Variants in WDR70 observed in about 807,000 individuals in gnomAD.
The protein encoded by WDR70 is WD repeat-containing protein 70.
WDR70 carries 53 observed loss-of-function variants against 88.6 expected under a neutral mutation model. That is an observed-to-expected ratio of 0.60 (90% CI 0.48 to 0.75). The LOEUF (loss-of-function observed/expected upper bound fraction) is 0.75. Ranked by LOEUF, WDR70 falls within the 30% of genes least tolerant of loss-of-function variation. The pLI is 0.00. For missense variants in WDR70, 610 were observed against 823.2 expected (o/e 0.74, Z 3.17); for synonymous variants, 280 against 270.0 (o/e 1.04, Z -0.36).
At chr5:37,679,332 T>C (rs1414468292) in intron 10 of WDR70, among the ~76,000 whole-genome samples, 2 of 151,720 alleles carry the variant, frequency 1.3e-5, no homozygotes, top group African/African-American at 4.8e-5. Flanking sequence ...TTCCAGTTTT[T>C]CTGCTCTGTT....
chr5:37,447,749 G>A (rs1002130694), intron 7 of WDR70, among the ~76,000 whole-genome samples: 11 of 152,120 alleles, frequency 7.2e-5, no homozygotes, highest in African/African-American at 2.2e-4. Context: ...AGAACACATG[G>A]TCACAGGAAG....
intron 7 of WDR70, among the ~76,000 whole-genome samples, chr5:37,445,638 C>T (rs780759349): frequency 3.9e-5 from 6 of 152,090 alleles, no homozygotes; most frequent in Admixed American, 6.5e-5. Context: ...GCTCAACATA[C>T]GCAAATCAAT....
chr5:37,564,127 G>C (rs533278847), intron 9 of WDR70, among the ~76,000 whole-genome samples: 148 of 145,438 alleles, frequency 1.0e-3, no homozygotes, highest in Middle Eastern at 3.7e-3. Flanking sequence ...ACGGGGTGGC[G>C]GCTGGGCAGA....
At chr5:37,524,811 A>G (rs1741209568) in intron 9 of WDR70, among the ~76,000 whole-genome samples, 1 of 152,224 alleles carries the variant, frequency 6.6e-6, no homozygotes, top group Admixed American at 6.5e-5. Flanking sequence ...TGGAAAACAA[A>G]AAGGTAGGGG....
chr5:37,549,810 C>T (rs1487888811), intron 9 of WDR70, among the ~76,000 whole-genome samples: 1 of 151,426 alleles, frequency 6.6e-6, no homozygotes, highest in Non-Finnish European at 1.5e-5. Flanking sequence ...AGGTATGTTC[C>T]TTCTATCCTT....
chr5:37,427,353 C>T (rs1198893880), intron 5 of WDR70, among the ~76,000 whole-genome samples: 1 of 151,568 alleles, frequency 6.6e-6, no homozygotes, highest in Non-Finnish European at 1.5e-5. Flanking sequence ...AGCTCCACTG[C>T]AGTCCGGCCT....
intron 8 of WDR70, among the ~76,000 whole-genome samples, chr5:37,500,856 G>T (rs1175115535): frequency 3.3e-5 from 5 of 150,856 alleles, no homozygotes; most frequent in African/African-American, 1.2e-4. Context: ...CTCCCGAGTA[G>T]CTGGGATAGT....
chr5:37,522,055 T>C (rs1741109843), intron 9 of WDR70, among the ~76,000 whole-genome samples: 1 of 152,234 alleles, frequency 6.6e-6, no homozygotes, highest in Admixed American at 6.5e-5. Context: ...TTTTTTATTA[T>C]GGCCATTATT....
At chr5:37,485,502 TAACCCCCAAGCATAGTGCTG>T (rs1739834549) in intron 8 of WDR70, among the ~76,000 whole-genome samples, 1 of 152,172 alleles carries the variant, frequency 6.6e-6, no homozygotes, top group Admixed American at 6.5e-5. Context: ...CCACTTAAAT[TAACCCCCAAGCATAGTGCTG>T]AAGTGCTGCT....
intron 6 of WDR70, among the ~76,000 whole-genome samples, chr5:37,442,250 T>C (rs1045889683): frequency 2.6e-5 from 4 of 151,976 alleles, no homozygotes; most frequent in East Asian, 1.9e-4. Flanking sequence ...TTGGTCAGGC[T>C]GATCTCAAAC....
At chr5:37,655,591 G>T (rs1199864496) in intron 10 of WDR70, among the ~76,000 whole-genome samples, 2 of 151,766 alleles carry the variant, frequency 1.3e-5, no homozygotes, top group African/African-American at 2.4e-5. Flanking sequence ...CGCAGATTTG[G>T]TTTTTTCATA....
chr5:37,611,979 A>G (rs2112488632), intron 10 of WDR70, among the ~76,000 whole-genome samples: 1 of 152,254 alleles, frequency 6.6e-6, no homozygotes, highest in Non-Finnish European at 1.5e-5. Flanking sequence ...AGCCCAGACT[A>G]ATGACCTCAT....
intron 9 of WDR70, among the ~76,000 whole-genome samples, chr5:37,572,669 G>C (rs1273003752): frequency 1.3e-5 from 2 of 152,088 alleles, no homozygotes; most frequent in African/African-American, 2.4e-5. Context: ...TATTGAATCA[G>C]TGCACCTTAC....
At chr5:37,425,809 A>T (rs1326091541) in intron 5 of WDR70, among the ~76,000 whole-genome samples, 1 of 152,148 alleles carries the variant, frequency 6.6e-6, no homozygotes, top group African/African-American at 2.4e-5. Context: ...GGTGAGAGGG[A>T]CTCATCAAGA....
intron 10 of WDR70, among the ~76,000 whole-genome samples, chr5:37,681,716 G>A (rs1171773751): frequency 1.3e-5 from 2 of 152,038 alleles, no homozygotes; most frequent in African/African-American, 4.8e-5. Context: ...TTCTGTTTAT[G>A]TCATGAATAA....
chr5:37,573,629 T>C lies in WDR70; in HGVS notation c.918-31435T>C, dbSNP rs934767347. On this transcript the variant is annotated intron_variant, in intron 9 of 17. Transcript: ENST00000265107. ...CCCACCTATGAATGAGAACATGCGG[T>C]GTTTGGTTTTTTGTCCTTGCGATAG... Among the ~76,000 whole-genome samples the C allele has an allele frequency of 3.4e-5, 5 of 145,268 alleles. No homozygotes were observed. In the South Asian group the frequency reaches 1.1e-3, roughly 33 times the overall value.
intron 17 of WDR70, among the ~76,000 whole-genome samples, chr5:37,729,289 G>A (rs1446488976): frequency 1.3e-5 from 2 of 152,106 alleles, no homozygotes; most frequent in Non-Finnish European, 2.9e-5. Context: ...TGTGCTCCTT[G>A]CTACTGCAGT....
At chr5:37,564,520 A>AGAGAGG (rs1491090886) in intron 9 of WDR70, among the ~76,000 whole-genome samples, 7 of 143,636 alleles carry the variant, frequency 4.9e-5, no homozygotes, top group African/African-American at 1.7e-4. Context: ...GACCGTGGAA[A>AGAGAGG]GAGAGGGAGA....
intron 9 of WDR70, among the ~76,000 whole-genome samples, chr5:37,574,371 G>A (rs1742995744): frequency 6.6e-6 from 1 of 152,122 alleles, no homozygotes. Context: ...GGACATCCTA[G>A]CAGCATACCC....
Sources: gnomAD v4.1 joint callset for allele counts (sites outside exome capture counted in the v4.1 genomes callset) on GRCh38, gnomAD v4.1.1 for gene constraint, MANE v1.5 for transcripts, NCBI Gene and HGNC (gene_info 2026-07-23, HGNC 2026-07-21) for gene names.